RBFOX1: variants seen among roughly 807,000 people sequenced by gnomAD.
RBFOX1 encodes RNA binding protein fox-1 homolog 1.
In RBFOX1, 8 loss-of-function variants were observed where a neutral mutation model predicts 57.7. The observed-to-expected ratio is 0.14, with a 90% confidence interval of 0.08 to 0.25. The LOEUF is 0.25. Ranked by LOEUF, RBFOX1 falls within the 10% of genes least tolerant of loss-of-function variation. The pLI is 1.00. For synonymous variants in RBFOX1, 326 were observed against 222.4 expected (o/e 1.47, Z -4.15); for missense variants, 611 against 548.5 (o/e 1.11, Z -1.14).
At chr16:5,356,974 A>G (rs780871181) in intron 1 of RBFOX1, among the ~76,000 whole-genome samples, 1 of 152,224 alleles carries the variant, frequency 6.6e-6, no homozygotes, top group African/African-American at 2.4e-5. Context: ...TACCCAGTGA[A>G]GTAGGTACTA....
intron 3 of RBFOX1, among the ~76,000 whole-genome samples, chr16:6,893,870 G>T (rs1395236295): frequency 1.3e-5 from 2 of 152,146 alleles, no homozygotes. Context: ...ATGGGGAATA[G>T]TTTAGGTTGT....
At chr16:5,771,998 C>T (rs1341569576) in intron 3 of RBFOX1, among the ~76,000 whole-genome samples, 1 of 151,968 alleles carries the variant, frequency 6.6e-6, no homozygotes, top group Admixed American at 6.6e-5. Flanking sequence ...ATGGTGAAAC[C>T]CTGTCTCTAT....
chr16:7,355,183 G>A (rs1295476129), intron 4 of RBFOX1, among the ~76,000 whole-genome samples: 2 of 152,102 alleles, frequency 1.3e-5, no homozygotes, highest in Non-Finnish European at 2.9e-5. Context: ...GGGAGGCCTG[G>A]ATTTGAATCC....
chr16:6,603,245 A>T (rs2097878346), intron 2 of RBFOX1, among the ~76,000 whole-genome samples: 1 of 152,206 alleles, frequency 6.6e-6, no homozygotes, highest in Non-Finnish European at 1.5e-5. Flanking sequence ...GAACTCAGTC[A>T]TCTAAAGGAG....
chr16:6,205,651 A>G (rs368256104), intron 1 of RBFOX1, among the ~76,000 whole-genome samples: 54 of 151,980 alleles, frequency 3.6e-4, no homozygotes, highest in African/African-American at 1.1e-3. Flanking sequence ...TAATATTTCA[A>G]TCATATTTTG....
chr16:7,701,109 C>G (rs1039552870), intron 14 of RBFOX1, among the ~76,000 whole-genome samples: 3 of 149,600 alleles, frequency 2.0e-5, no homozygotes, highest in Admixed American at 6.6e-5. Context: ...TAAGTGATTT[C>G]TGAAGTTAAG....
intron 3 of RBFOX1, among the ~76,000 whole-genome samples, chr16:7,015,975 A>T (rs961547106): frequency 1.3e-5 from 2 of 152,170 alleles, no homozygotes; most frequent in Admixed American, 1.3e-4. Context: ...TTGGTGTGAT[A>T]GGCAACACCA....
chr16:5,400,003 A>T (rs902603018), intron 1 of RBFOX1, among the ~76,000 whole-genome samples: 33 of 151,668 alleles, frequency 2.2e-4, no homozygotes, highest in African/African-American at 8.0e-4. Flanking sequence ...CCCTCCTTTC[A>T]CCCCATCCTC....
intron 3 of RBFOX1, among the ~76,000 whole-genome samples, chr16:6,826,069 C>G (rs991857836): frequency 1.3e-5 from 2 of 152,120 alleles, no homozygotes; most frequent in African/African-American, 4.8e-5. Flanking sequence ...CCAGGTCCCC[C>G]ACGTTCATTG....
rs1329330168 is a variant in RBFOX1, at chr16:7,270,666, A to G, written c.27+218568A>G. ...AGTTGCTATTAGACAAACCTCTACTATTCTACCTTCTCTTTAAAAATGGAA... is the reference window on the plus strand; with the variant it reads ...AGTTGCTATTAGACAAACCTCTACTGTTCTACCTTCTCTTTAAAAATGGAA... On this transcript the variant is annotated intron_variant, in intron 4 of 15. Transcript: ENST00000550418. Among the ~76,000 whole-genome samples the G allele has an allele frequency of 2.0e-5, 3 of 152,180 alleles. No individual in the cohort carries two copies. The South Asian group carries it at 6.2e-4, about 31-fold the overall frequency.
chr16:6,574,931 G>C (rs1163124146), intron 2 of RBFOX1, among the ~76,000 whole-genome samples: 2 of 151,338 alleles, frequency 1.3e-5, no homozygotes, highest in Admixed American at 6.6e-5. Context: ...CCAGCTACTC[G>C]GGAGGCTGAG....
chr16:6,309,249 C>A (rs1599468825), intron 1 of RBFOX1, among the ~76,000 whole-genome samples: 1 of 152,030 alleles, frequency 6.6e-6, no homozygotes, highest in African/African-American at 2.4e-5. Context: ...AGCCTCATTG[C>A]CTTACACACA....
chr16:6,387,417 G>A (rs2092351983), intron 2 of RBFOX1, among the ~76,000 whole-genome samples: 1 of 150,050 alleles, frequency 6.7e-6, no homozygotes, highest in South Asian at 2.1e-4. Context: ...ATTCGTATGT[G>A]CAAGTCTTGC....
At chr16:6,303,269 C>T (rs1035804723) in intron 1 of RBFOX1, among the ~76,000 whole-genome samples, 1 of 152,092 alleles carries the variant, frequency 6.6e-6, no homozygotes, top group Admixed American at 6.5e-5. Context: ...CGTTCTGAGA[C>T]ATCTTCCCGG....
At chr16:7,090,051 A>G (rs897125757) in intron 4 of RBFOX1, among the ~76,000 whole-genome samples, 5 of 152,102 alleles carry the variant, frequency 3.3e-5, no homozygotes, top group African/African-American at 4.8e-5. Flanking sequence ...TTTTTAATGC[A>G]GAGGTTCTGC....
intron 4 of RBFOX1, among the ~76,000 whole-genome samples, chr16:7,143,550 C>A (rs1424948976): frequency 6.6e-6 from 1 of 152,100 alleles, no homozygotes; most frequent in African/African-American, 2.4e-5. Flanking sequence ...ATAAAAATAA[C>A]AATACCTTGT....
At chr16:7,456,267 AC>A (rs879358415) in intron 4 of RBFOX1, among the ~76,000 whole-genome samples, 3 of 151,968 alleles carry the variant, frequency 2.0e-5, no homozygotes, top group Non-Finnish European at 4.4e-5. Context: ...TCCTAGAGGG[AC>A]CCCCCCTTAT....
At chr16:6,223,533 G>C (rs1057456972) in intron 1 of RBFOX1, among the ~76,000 whole-genome samples, 4 of 152,208 alleles carry the variant, frequency 2.6e-5, no homozygotes, top group East Asian at 1.9e-4. Flanking sequence ...CCTTTGCCCA[G>C]TTTTTGTTGG....
intron 1 of RBFOX1, among the ~76,000 whole-genome samples, chr16:6,151,580 C>A (rs971874703): frequency 7.9e-5 from 12 of 152,248 alleles, no homozygotes; most frequent in African/African-American, 2.9e-4. Context: ...GCCACTGCAA[C>A]TGGCCTATAA....
Sources: gnomAD v4.1 joint callset for allele counts (sites outside exome capture counted in the v4.1 genomes callset) on GRCh38, gnomAD v4.1.1 for gene constraint, MANE v1.5 for transcripts, NCBI Gene and HGNC (gene_info 2026-07-23, HGNC 2026-07-21) for gene names.